Variants in GRID2 observed in about 807,000 individuals in gnomAD.
GRID2 encodes the protein glutamate ionotropic receptor delta type subunit 2.
GRID2 carries 33 observed loss-of-function variants against 114.8 expected under a neutral mutation model. That is an observed-to-expected ratio of 0.29 (90% CI 0.22 to 0.38). The LOEUF is 0.38. GRID2 is among the 10% of genes least tolerant of loss of function. The probability of loss-of-function intolerance (pLI) is 1.00; values close to 1 mark genes in which losing one functional copy is unlikely to be tolerated. For missense variants in GRID2, 1,184 were observed against 1,257.7 expected (o/e 0.94, Z 0.89); for synonymous variants, 505 against 449.9 (o/e 1.12, Z -1.55).
chr4:92,891,777 G>C lies in GRID2; in HGVS notation c.245-193218G>C, dbSNP rs114734815. Among the ~76,000 whole-genome samples, 736 of 152,268 alleles carry C rather than the reference G, an allele frequency of 4.8e-3. 1 individual carries two copies. The highest frequency in any genetic ancestry group is 0.017 in the African/African-American group (703 of 41,544). Reference sequence around the variant, plus strand: ...AAGAGTCATAAGTACTGGGGGTGCAGAGTACAGAGCCCACTTATTGAGTCA... The same window carrying C: ...AAGAGTCATAAGTACTGGGGGTGCACAGTACAGAGCCCACTTATTGAGTCA... On this transcript the variant is annotated intron_variant, in intron 2 of 15. Transcript: ENST00000282020.
chr4:93,174,104 T>C (rs1202043237), intron 4 of GRID2, among the ~76,000 whole-genome samples: 1 of 152,210 alleles, frequency 6.6e-6, no homozygotes, highest in Non-Finnish European at 1.5e-5. Context: ...ATCGAGCTTA[T>C]TCAGATTTCA....
chr4:93,605,162 T>C (rs1024106300), intron 13 of GRID2, among the ~76,000 whole-genome samples: 4 of 152,198 alleles, frequency 2.6e-5, no homozygotes, highest in African/African-American at 4.8e-5. Context: ...TATCTTCAAA[T>C]TTGCAATGTC....
intron 1 of GRID2, among the ~76,000 whole-genome samples, chr4:92,445,251 A>G (rs955758694): frequency 7.2e-5 from 11 of 152,042 alleles, no homozygotes; most frequent in Admixed American, 2.6e-4. Flanking sequence ...TGAGTCCCAG[A>G]CTCTCTTGCC....
At chr4:92,441,715 A>T (rs910620489) in intron 1 of GRID2, among the ~76,000 whole-genome samples, 1 of 151,614 alleles carries the variant, frequency 6.6e-6, no homozygotes, top group Non-Finnish European at 1.5e-5. Context: ...GGATATTGGC[A>T]TTGAGTGGGG....
At chr4:93,306,552 G>A (rs1755443796) in intron 8 of GRID2, among the ~76,000 whole-genome samples, 1 of 152,160 alleles carries the variant, frequency 6.6e-6, no homozygotes, top group South Asian at 2.1e-4. Flanking sequence ...TTGTGTTGGT[G>A]GTAGGGGTAT....
intron 14 of GRID2, among the ~76,000 whole-genome samples, chr4:93,656,844 A>C (rs914668654): frequency 4.0e-5 from 6 of 149,386 alleles, no homozygotes; most frequent in African/African-American, 1.2e-4. Context: ...AAAAAAAAAA[A>C]AAAAAAAAAA....
At chr4:92,488,245 CT>C (rs2149111018) in intron 1 of GRID2, among the ~76,000 whole-genome samples, 1 of 152,256 alleles carries the variant, frequency 6.6e-6, no homozygotes, top group African/African-American at 2.4e-5. Context: ...GACACCGGTT[CT>C]GACAACCAGT....
intron 2 of GRID2, among the ~76,000 whole-genome samples, chr4:92,694,033 G>T: frequency 6.6e-6 from 1 of 152,096 alleles, no homozygotes; most frequent in Non-Finnish European, 1.5e-5. Context: ...GGATTTGTGT[G>T]GGGAGGAGAT....
chr4:92,353,476 C>G (rs1437046381), intron 1 of GRID2, among the ~76,000 whole-genome samples: 1 of 151,848 alleles, frequency 6.6e-6, no homozygotes, highest in Non-Finnish European at 1.5e-5. Flanking sequence ...CTCCTCCTTC[C>G]TCAGGGTTTG....
At chr4:93,205,874 A>G (rs541757475) in intron 4 of GRID2, among the ~76,000 whole-genome samples, 180 of 152,066 alleles carry the variant, frequency 1.2e-3, no homozygotes, top group Non-Finnish European at 1.5e-3. Context: ...ATGGTATCTC[A>G]TTGTGGTTTT....
At chr4:93,626,959 G>A (rs1051350284) in intron 14 of GRID2, among the ~76,000 whole-genome samples, 1 of 152,102 alleles carries the variant, frequency 6.6e-6, no homozygotes, top group African/African-American at 2.4e-5. Flanking sequence ...ATTTTGTCAT[G>A]GAAATCAAGG....
chr4:92,560,925 C>T (rs368065211), intron 1 of GRID2, among the ~76,000 whole-genome samples: 2 of 152,092 alleles, frequency 1.3e-5, no homozygotes, highest in Non-Finnish European at 2.9e-5. Context: ...TCAGGCTGGT[C>T]TTGAACTCCT....
At chr4:93,312,326 C>T (rs377723682) in intron 8 of GRID2, among the ~76,000 whole-genome samples, 30 of 152,226 alleles carry the variant, frequency 2.0e-4, no homozygotes, top group African/African-American at 6.7e-4. Flanking sequence ...CGAAGAGTTA[C>T]GCTGCCTTCT....
At chr4:93,169,361 C>A (rs577275086) in intron 4 of GRID2, among the ~76,000 whole-genome samples, 2 of 152,148 alleles carry the variant, frequency 1.3e-5, no homozygotes, top group South Asian at 4.1e-4. Flanking sequence ...TTATATACAA[C>A]TTAGTAATTT....
At chr4:93,011,627 CAT>C (rs1722179293) in intron 2 of GRID2, among the ~76,000 whole-genome samples, 2 of 152,188 alleles carry the variant, frequency 1.3e-5, no homozygotes, top group South Asian at 4.1e-4. Context: ...AGAGACCAAA[CAT>C]ATTTCTTACC....
intron 2 of GRID2, 39 bp from the exon 3 acceptor site, chr4:93,084,956 A>T (rs1382406212): frequency 6.4e-7 from 1 of 1,558,294 alleles, no homozygotes; most frequent in Non-Finnish European, 8.8e-7. Context: ...ACTATGTGAA[A>T]CCCACTGACA....
At chr4:93,807,011 C>T (rs766084182) in exon 2 of GRID2, 1 of 152,382 alleles carries the variant, frequency 6.6e-6, no homozygotes, top group Non-Finnish European at 1.5e-5. Flanking sequence ...GGAAGCTGAC[C>T]TCACCAGATT....
chr4:93,198,672 G>A (rs1319955515), intron 4 of GRID2, among the ~76,000 whole-genome samples: 1 of 152,092 alleles, frequency 6.6e-6, no homozygotes, highest in Non-Finnish European at 1.5e-5. Flanking sequence ...GGTAGGATGG[G>A]AAGGGTTTGA....
At chr4:93,699,558 T>C (rs898701111) in intron 14 of GRID2, among the ~76,000 whole-genome samples, 3 of 152,070 alleles carry the variant, frequency 2.0e-5, no homozygotes, top group Non-Finnish European at 4.4e-5. Context: ...AATAGCCAAG[T>C]AGTTTGTCCA....
Sources: gnomAD v4.1 joint callset for allele counts (sites outside exome capture counted in the v4.1 genomes callset) on GRCh38, gnomAD v4.1.1 for gene constraint, MANE v1.5 for transcripts, NCBI Gene and HGNC (gene_info 2026-07-23, HGNC 2026-07-21) for gene names.